Variants in FLCN observed in about 807,000 individuals in gnomAD.
The protein encoded by FLCN is folliculin, also known as BHD skin lesion fibrofolliculoma protein.
FLCN carries 22 observed loss-of-function variants against 62.5 expected under a neutral mutation model. The observed-to-expected ratio is 0.35, with a 90% CI of 0.25 to 0.50. The LOEUF is 0.50. Among genes scored for constraint, FLCN ranks in the 20% least tolerant of loss-of-function variants. The pLI is 0.97. For missense variants in FLCN, 657 were observed against 778.0 expected (o/e 0.84, Z 1.85); for synonymous variants, 319 against 310.0 (o/e 1.03, Z -0.30).
intron 5 of FLCN, 82 bp downstream of exon 5, chr17:17,226,094 C>T (rs2047237957): frequency 6.3e-7 from 1 of 1,585,284 alleles, no homozygotes; most frequent in Non-Finnish European, 8.6e-7. Context: ...CCTCCCTGTG[C>T]AATGCTGGCT....
rs1468227944 is a variant in FLCN, at chr17:17,223,989, T to C, written c.551A>G (p.Asn184Ser). 1.2e-6 allele frequency: 2 copies of C among 1,613,418 alleles called. No individual in the cohort carries two copies. The highest frequency in any genetic ancestry group is 8.5e-7 in the Non-Finnish European group (1 of 1,179,984). Residue 184 changes from asparagine to serine, a missense_variant, in exon 6 of 14, where the codon AAC becomes AGC. Physicochemically the swap from Asn to Ser is conservative, Grantham distance 46. Transcript: ENST00000285071. ...TIMMDRIYLI[N>S]SWPFLLGKVR... ...CTTCCCCAGCAGGAAGGGCCAGGAG[T>C]TGATGAGGTAGATCCGGTCCATCAT... is the stretch of plus-strand genomic sequence containing the variant.
Position 17,221,487 on chromosome 17 carries a change from G to A in FLCN, c.871+50C>T, listed in dbSNP as rs772537436. On this transcript the variant is annotated intron_variant, in intron 8 of 13. Coordinates refer to ENST00000285071, the MANE Select transcript of FLCN (RefSeq NM_144997.7). The stretch of plus-strand genomic sequence containing the variant: ...GCCAGGAGAGCAGACAGCTGGTACC[G>A]CCCCACGGCCATCCGGGCCAAGGCC... 4.3e-6 allele frequency: 7 copies of A among 1,613,744 alleles called. No homozygotes were observed. The highest frequency in any genetic ancestry group is 1.7e-5 in the Admixed American group (1 of 59,988).
rs182488530 is a variant in FLCN at position 17,223,738 on chromosome 17, C to T, written c.618+184G>A. On this transcript the variant is annotated intron_variant, in intron 6 of 13. Coordinates refer to ENST00000285071, the MANE Select transcript of FLCN (RefSeq NM_144997.7). ...GCACAAGAGAGACCAGCAAAGCAGGCGGGATGGCCTGGGAGGCTCCTCACG... is the reference window on the plus strand; with the variant it reads ...GCACAAGAGAGACCAGCAAAGCAGGTGGGATGGCCTGGGAGGCTCCTCACG... 2.8e-4 allele frequency among the ~76,000 whole-genome samples: 42 copies of T among 152,344 alleles called. 1 individual carries two copies. Among genetic ancestry groups the T allele is most frequent in the Admixed American group, 2.5e-3 (39 of 15,296 alleles).
At chr17:17,221,208 G>A (rs936630546) in intron 8 of FLCN, 11 of 1,518,296 alleles carry the variant, frequency 7.2e-6, no homozygotes, top group East Asian at 2.5e-5. Context: ...AGCAAAGACC[G>A]TCGACCAGGC....
chr17:17,222,628 G>T lies in FLCN; in HGVS notation c.652C>A (p.Arg218Ser). Residue 218 changes from arginine (R) to serine (S), a missense_variant, in exon 7 of 14, where the codon CGT (arginine) becomes AGT (serine). By Grantham distance (110) the Arg-to-Ser change is moderately radical. Coordinates refer to ENST00000285071, the MANE Select transcript of FLCN (RefSeq NM_144997.7). ...AAGGCTGTGTTCATCCTCTGAGCAC[G>T]CTGTGGGCATCCAAACTGCTCTGCC... The part of the protein sequence containing the change: ...FEAEQFGCPQ[R>S]AQRMNTAFTP... 6.2e-7 allele frequency: 1 copy of T among 1,614,186 alleles called. No homozygotes were observed. The highest frequency in any genetic ancestry group is 8.5e-7 in the Non-Finnish European group (1 of 1,180,026).
intron 1 of FLCN, chr17:17,235,868 A>G (rs1396547590): frequency 6.6e-6 from 1 of 152,212 alleles, no homozygotes; most frequent in Admixed American, 6.5e-5. Context: ...CCTGGCTGAC[A>G]GTCTCTTCAT....
intron 4 of FLCN, 89 bp downstream of exon 4, chr17:17,227,800 C>G: frequency 1.3e-6 from 2 of 1,592,442 alleles, no homozygotes; most frequent in South Asian, 1.1e-5. Context: ...TGTGTCACCC[C>G]GGGAGGCCCC....
chr17:17,234,201 T>C (rs1427272113), intron 1 of FLCN, among the ~76,000 whole-genome samples: 1 of 148,212 alleles, frequency 6.7e-6, no homozygotes, highest in African/African-American at 2.6e-5. Flanking sequence ...CTACACTGTT[T>C]TGTTTTTTTT....
chr17:17,224,359 C>A, intron 5 of FLCN: 1 of 591,890 alleles, frequency 1.7e-6, no homozygotes, highest in African/African-American at 1.9e-5. Flanking sequence ...CTGCAAGGGC[C>A]GGTAACAAGG....
intron 7 of FLCN, 33 bp from the exon 8 acceptor site, chr17:17,221,661 C>A: frequency 6.3e-7 from 1 of 1,598,150 alleles, no homozygotes. Context: ...TGAGCGTTCT[C>A]GCCAAAGGAA....
rs202215080 is a variant in FLCN, at chr17:17,219,089, G to A, written c.992C>T (p.Ser331Phe). ...ELTQGPAESS[S>F]LSGCGSWQPR... ...CTGCCAGCTCCCACAGCCTGAGAGA[G>A]AGGAGGACTCTGCCGGGCCCTGGGT... Residue 331 changes from serine (S) to phenylalanine (F), a missense_variant, in exon 9 of 14, where the codon TCT (serine) becomes TTT (phenylalanine). Physicochemically the swap from Ser to Phe is radical, Grantham distance 155 (BLOSUM62 -2). Coordinates refer to ENST00000285071, the MANE Select transcript of FLCN (RefSeq NM_144997.7). 24 of 1,614,168 alleles carry A rather than the reference G, an allele frequency of 1.5e-5. No homozygotes were observed. In the East Asian group the frequency reaches 4.0e-4, roughly 27 times the overall value.
chr17:17,226,589 C>T (rs1460698696), intron 4 of FLCN, among the ~76,000 whole-genome samples: 1 of 152,188 alleles, frequency 6.6e-6, no homozygotes, highest in Non-Finnish European at 1.5e-5. Flanking sequence ...CTGCATGCTC[C>T]ATCTCATTCA....
At chr17:17,224,520 C>T (rs932342253) in intron 5 of FLCN, 18 of 382,126 alleles carry the variant, frequency 4.7e-5, no homozygotes, top group Non-Finnish European at 6.4e-5. Context: ...CACTGAAATC[C>T]GCACATTTTA....
In FLCN at chr17:17,212,869, T is replaced by C. The variant is rs143768653; in HGVS notation, c.*786A>G. The C allele has an allele frequency of 2.2e-4, 50 of 231,340 alleles. No individual in the cohort carries two copies. The East Asian group carries it at 2.9e-3, about 14-fold the overall frequency. 14.3% of individuals were successfully genotyped at this position (231,340 alleles called of 1,614,324 possible). ...AGTTAACTGTAACCAAACGTAAATG[T>C]TGAAAGCAGCAATAAAGACAAAAGC... is the stretch of plus-strand genomic sequence containing the variant. On this transcript the variant is annotated 3_prime_UTR_variant, in exon 14 of 14. Coordinates refer to ENST00000285071, the MANE Select transcript of FLCN (RefSeq NM_144997.7).
chr17:17,226,015 CA>C, intron 5 of FLCN, 160 bp downstream of exon 5: 1 of 994,800 alleles, frequency 1.0e-6, no homozygotes, highest in Non-Finnish European at 1.6e-6. Context: ...CAATTCTGGA[CA>C]AGGGAGGCGT....
In FLCN at chr17:17,216,919, G is replaced by C. The variant is rs1597586093; in HGVS notation, c.1176+150C>G. 5 of 704,674 alleles carry C rather than the reference G, an allele frequency of 7.1e-6. No individual in the cohort carries two copies. In the East Asian group the frequency reaches 1.3e-4, roughly 19 times the overall value. 43.7% of individuals were successfully genotyped at this position (704,674 alleles called of 1,614,324 possible). Reference sequence around the variant, plus strand: ...TTAAACATCATCAGACCAGACCCGGGTCTCCGTGCCCACTGCGCCCCCAGT... The same window carrying C: ...TTAAACATCATCAGACCAGACCCGGCTCTCCGTGCCCACTGCGCCCCCAGT... On this transcript the variant is annotated intron_variant, in intron 10 of 13. Coordinates refer to ENST00000285071, the MANE Select transcript of FLCN (RefSeq NM_144997.7). This position sits in a 1 kb window ranked among gnomAD's most constrained non-coding sequence, Gnocchi z 4.0.
chr17:17,237,196 C>G (rs1055720280), upstream of FLCN: 7 of 152,222 alleles, frequency 4.6e-5, no homozygotes, highest in Admixed American at 4.6e-4. Context: ...CTCCCTGAGC[C>G]GTACCACCAC....
rs2046935310 is a variant in FLCN, at chr17:17,216,673, T to C, written c.1177-170A>G. ...CCACAGTGGGGGTGAGGGGGGAGGG[T>C]CCTCCACCACCAGGTCCCTAACTCT... On this transcript the variant is annotated intron_variant, in intron 10 of 13. Coordinates refer to ENST00000285071, the MANE Select transcript of FLCN (RefSeq NM_144997.7). This position sits in a 1 kb window ranked among gnomAD's most constrained non-coding sequence, Gnocchi z 4.0. Among the ~76,000 whole-genome samples, 3 of 150,796 alleles carry C rather than the reference T, an allele frequency of 2.0e-5. No homozygotes were observed. The highest frequency in any genetic ancestry group is 7.3e-5 in the African/African-American group (3 of 40,828).
At chr17:17,214,860 C>T (rs1246681606) in intron 13 of FLCN, 125 bp downstream of exon 13, 3 of 1,034,756 alleles carry the variant, frequency 2.9e-6, no homozygotes, top group South Asian at 1.3e-5. Flanking sequence ...GGAGTTGGAA[C>T]CCCGCCCCCA....
Sources: allele counts gnomAD v4.1 joint callset (sites outside exome capture counted in the v4.1 genomes callset), GRCh38; gene constraint gnomAD v4.1.1; non-coding constraint Gnocchi (gnomAD v3.1); transcripts MANE v1.5; gene names NCBI Gene and HGNC (gene_info 2026-07-23, HGNC 2026-07-21).